The following SNX4 variants were observed in gnomAD, a reference collection of about 807,000 sequenced individuals.
SNX4 encodes sorting nexin-4.
In SNX4, 49 loss-of-function variants were observed where a neutral mutation model predicts 70.8. That is an observed-to-expected ratio of 0.69 (90% CI 0.55 to 0.88). The LOEUF (loss-of-function observed/expected upper bound fraction) is 0.88. SNX4 is among the 40% of genes least tolerant of loss of function. The probability of loss-of-function intolerance (pLI) is 0.00; values close to 1 mark genes in which losing one functional copy is unlikely to be tolerated. For synonymous variants in SNX4, 206 were observed against 183.8 expected (o/e 1.12, Z -0.98); for missense variants, 528 against 544.8 (o/e 0.97, Z 0.31).
At chr3:125,482,509 T>A (rs1405086804) in intron 6 of SNX4, among the ~76,000 whole-genome samples, 1 of 152,042 alleles carries the variant, frequency 6.6e-6, no homozygotes, top group Non-Finnish European at 1.5e-5. Flanking sequence ...ATTAGCATCA[T>A]CATCTCTCAC....
intron 12 of SNX4, among the ~76,000 whole-genome samples, chr3:125,452,656 C>T (rs1032662713): frequency 2.0e-4 from 30 of 151,894 alleles, no homozygotes; most frequent in Admixed American, 1.5e-3. Flanking sequence ...TTCACTCTGT[C>T]GCCCAGGCTA....
chr3:125,496,622 T>C (rs1380861864), intron 5 of SNX4, among the ~76,000 whole-genome samples: 2 of 152,096 alleles, frequency 1.3e-5, no homozygotes, highest in Admixed American at 6.6e-5. Flanking sequence ...TTTAAAAAGT[T>C]TGTAATAACC....
rs199752160 is a variant in SNX4 at position 125,506,817 on chromosome 3, T to TGAA, written c.142-2074_142-2073insTTC. ...AACTTAAAGAAAGATGTGGAGAAAG[T>TGAA]AAAAAAAAAAAAAAAAAAAAAAAAA... is the stretch of plus-strand genomic sequence containing the variant. On this transcript the variant is annotated intron_variant, in intron 1 of 13. Coordinates refer to ENST00000251775, the MANE Select transcript of SNX4 (RefSeq NM_003794.4). Among the ~76,000 whole-genome samples, 110 of 26,818 alleles carry TGAA rather than the reference T, an allele frequency of 4.1e-3. 6 individuals carry two copies. The highest frequency in any genetic ancestry group is 0.01 in the African/African-American group (106 of 10,258). 17.6% of individuals were successfully genotyped at this position (26,818 alleles called of 152,430 possible). A position where few individuals can be genotyped will look rare whatever the true frequency, so the allele number is the denominator to read the frequency against.
At chr3:125,515,301 G>A (rs1469997524) in intron 1 of SNX4, among the ~76,000 whole-genome samples, 2 of 151,786 alleles carry the variant, frequency 1.3e-5, no homozygotes, top group African/African-American at 4.8e-5. Flanking sequence ...GAAGTGAGCC[G>A]AGATTATGCC....
At chr3:125,448,873 C>T (rs1474713055) in intron 13 of SNX4, among the ~76,000 whole-genome samples, 1 of 151,706 alleles carries the variant, frequency 6.6e-6, no homozygotes, top group African/African-American at 2.4e-5. Context: ...GATGAGATTT[C>T]ACCGTGTGTT....
In SNX4 at chr3:125,504,642, C is replaced by T. The variant is rs754081227; in HGVS notation, c.244G>A (p.Ala82Thr). The T allele has an allele frequency of 1.9e-6, 3 of 1,613,784 alleles. No individual in the cohort carries two copies. In the South Asian group the frequency reaches 3.3e-5, roughly 18 times the overall value. Residue 82 changes from alanine (A) to threonine (T), a missense_variant, in exon 2 of 14, where the codon GCT (alanine) becomes ACT (threonine). Physicochemically the swap from Ala to Thr is moderately conservative, Grantham distance 58 (BLOSUM62 0). Transcript: ENST00000251775. The stretch of plus-strand genomic sequence containing the variant: ...ACCCACCTTGTTTCAATGAGGTAAG[C>T]AGTATATGTTTCTTGCATGTTCATG... ...NAMNMQETYT[A>T]YLIETRSVEH...
chr3:125,481,926 C>T (rs1025400268), intron 6 of SNX4, among the ~76,000 whole-genome samples: 1 of 151,876 alleles, frequency 6.6e-6, no homozygotes, highest in African/African-American at 2.4e-5. Flanking sequence ...TACTGTGTCA[C>T]CCAGGTTGGA....
At chr3:125,457,910 T>G (rs1933764799) in intron 10 of SNX4, among the ~76,000 whole-genome samples, 1 of 152,042 alleles carries the variant, frequency 6.6e-6, no homozygotes, top group Admixed American at 6.6e-5. Flanking sequence ...ACAAAAAAAG[T>G]TGTTTTCCAT....
chr3:125,500,519 T>C (rs1934902260), intron 2 of SNX4, among the ~76,000 whole-genome samples: 1 of 152,082 alleles, frequency 6.6e-6, no homozygotes, highest in African/African-American at 2.4e-5. Context: ...AAGAATTTAC[T>C]GGCCAGGCGC....
intron 9 of SNX4, among the ~76,000 whole-genome samples, chr3:125,465,831 C>T (rs1559812166): frequency 6.6e-6 from 1 of 151,952 alleles, no homozygotes; most frequent in Non-Finnish European, 1.5e-5. Flanking sequence ...TTAGTAGAGA[C>T]AGGGTTTCAC....
intron 2 of SNX4, among the ~76,000 whole-genome samples, chr3:125,503,932 C>T (rs1483077085): frequency 5.3e-5 from 8 of 152,124 alleles, no homozygotes; most frequent in Admixed American, 5.2e-4. Context: ...TGCAGTGGCT[C>T]ACACGAGTAA....
intron 6 of SNX4, among the ~76,000 whole-genome samples, chr3:125,485,092 A>T (rs950954619): frequency 8.6e-5 from 13 of 151,660 alleles, no homozygotes; most frequent in Admixed American, 7.2e-4. Context: ...AAAACAAAAA[A>T]CCAGCCAGCC....
Position 125,512,811 on chromosome 3 carries a change from GGA to G in SNX4, c.141+7219_141+7220del, listed in dbSNP as rs1404026780. 4.0e-5 allele frequency among the ~76,000 whole-genome samples: 6 copies of G among 151,302 alleles called. No homozygotes were observed. In the South Asian group the frequency reaches 1.0e-3, roughly 26 times the overall value. On this transcript the variant is annotated intron_variant, in intron 1 of 13. Coordinates refer to ENST00000251775, the MANE Select transcript of SNX4 (RefSeq NM_003794.4). ...TTTGAGACAGAGTGTCACCCAGGCT[GGA>G]GTGTAGTGACTCAATCCTGGCTCAC...
chr3:125,479,755 C>T (rs926101967), intron 7 of SNX4, among the ~76,000 whole-genome samples: 1 of 152,016 alleles, frequency 6.6e-6, no homozygotes. Flanking sequence ...GAAGTATTTC[C>T]CTCTTTGCCT....
chr3:125,509,939 AAAAC>A (rs1421783662), intron 1 of SNX4, among the ~76,000 whole-genome samples: 1 of 152,124 alleles, frequency 6.6e-6, no homozygotes, highest in African/African-American at 2.4e-5. Flanking sequence ...GCTACTATGA[AAAAC>A]AAACAATAGA....
rs1237149794 is a variant in SNX4, at chr3:125,507,376, A to G, written c.142-2632T>C. Among the ~76,000 whole-genome samples the G allele has an allele frequency of 3.3e-5, 5 of 152,044 alleles. No homozygotes were observed. In the East Asian group the frequency reaches 9.6e-4, roughly 29 times the overall value. On this transcript the variant is annotated intron_variant, in intron 1 of 13. Transcript: ENST00000251775. ...CAAGGAACAGAAAAAAGATGGAAGG[A>G]AAGTAAACAGAGCTTAAGGGACATG...
At chr3:125,478,758 A>C (rs2107544328) in intron 7 of SNX4, among the ~76,000 whole-genome samples, 1 of 152,176 alleles carries the variant, frequency 6.6e-6, no homozygotes, top group African/African-American at 2.4e-5. Context: ...AAAAAAAAAA[A>C]CTAGAAGCAA....
At chr3:125,516,377 A>G (rs1375888636) in intron 1 of SNX4, among the ~76,000 whole-genome samples, 1 of 152,184 alleles carries the variant, frequency 6.6e-6, no homozygotes, top group Non-Finnish European at 1.5e-5. Context: ...AATAGAACTG[A>G]CTATAGCTTT....
At chr3:125,490,701 A>AT (rs1491160936) in intron 5 of SNX4, among the ~76,000 whole-genome samples, 6 of 150,980 alleles carry the variant, frequency 4.0e-5, no homozygotes, top group Non-Finnish European at 8.9e-5. Context: ...AAACTGAGGG[A>AT]TAAATACTAA....
Sources: allele counts gnomAD v4.1 joint callset (sites outside exome capture counted in the v4.1 genomes callset), GRCh38; gene constraint gnomAD v4.1.1; transcripts MANE v1.5; gene names NCBI Gene and HGNC (gene_info 2026-07-23, HGNC 2026-07-21).